SLC8A1: variants seen among roughly 807,000 people sequenced by gnomAD.
SLC8A1 encodes the protein sodium/calcium exchanger 1.
SLC8A1 carries 18 observed loss-of-function variants against 68.3 expected under a neutral mutation model. The observed-to-expected ratio is 0.26, with a 90% CI of 0.18 to 0.39. The LOEUF (loss-of-function observed/expected upper bound fraction) is 0.39, where lower values mean the gene tolerates loss of function less well. Among genes scored for constraint, SLC8A1 ranks in the 10% least tolerant of loss-of-function variants. SLC8A1 has a pLI of 1.00. For synonymous variants in SLC8A1, 475 were observed against 415.5 expected (o/e 1.14, Z -1.74); for missense variants, 985 against 1,156.7 (o/e 0.85, Z 2.15).
At chr2:40,499,172 C>T (rs903279496) in intron 1 of SLC8A1, among the ~76,000 whole-genome samples, 2 of 150,836 alleles carry the variant, frequency 1.3e-5, no homozygotes, top group African/African-American at 2.4e-5. Context: ...CTAGTGGTAT[C>T]GGACAAAAAG....
chr2:40,227,623 G>GA (rs2059149239), intron 2 of SLC8A1, among the ~76,000 whole-genome samples: 1 of 152,022 alleles, frequency 6.6e-6, no homozygotes, highest in African/African-American at 2.4e-5. Flanking sequence ...ATACCTAGGT[G>GA]ATGAAATAAT....
chr2:40,104,571 T>C (rs2034083119), exon 8 of SLC8A1: 1 of 152,166 alleles, frequency 6.6e-6, no homozygotes, highest in African/African-American at 2.4e-5. Flanking sequence ...ATTGATAAAA[T>C]GTAGACCAAA....
At chr2:40,308,050 A>G (rs1392069304) in intron 2 of SLC8A1, among the ~76,000 whole-genome samples, 2 of 152,186 alleles carry the variant, frequency 1.3e-5, no homozygotes, top group Admixed American at 6.5e-5. Flanking sequence ...ATAAAAGTAA[A>G]CAAACACTTT....
At chr2:40,164,113 C>A (rs144875717) in intron 5 of SLC8A1, among the ~76,000 whole-genome samples, 2 of 152,148 alleles carry the variant, frequency 1.3e-5, no homozygotes, top group Admixed American at 6.5e-5. Flanking sequence ...GTTTCTTCCC[C>A]TGTGGTCTTC....
intron 1 of SLC8A1, among the ~76,000 whole-genome samples, chr2:40,490,355 T>C (rs182161709): frequency 1.1e-3 from 169 of 152,264 alleles, no homozygotes; most frequent in African/African-American, 4.0e-3. Context: ...CAGAATAATT[T>C]TGTCATATAG....
At chr2:40,280,251 T>TAAAAAAA (rs67427562) in intron 2 of SLC8A1, among the ~76,000 whole-genome samples, 2 of 94,472 alleles carry the variant, frequency 2.1e-5, no homozygotes, top group Non-Finnish European at 4.1e-5. Flanking sequence ...AAATAAACAC[T>TAAAAAAA]AAAAAAAAAA....
At chr2:40,182,263 G>A (rs1048643867) in intron 2 of SLC8A1, among the ~76,000 whole-genome samples, 2 of 152,074 alleles carry the variant, frequency 1.3e-5, no homozygotes, top group African/African-American at 4.8e-5. Flanking sequence ...CACTGATAAA[G>A]AACAAATAGA....
intron 2 of SLC8A1, among the ~76,000 whole-genome samples, chr2:40,421,994 G>A (rs547566654): frequency 6.6e-6 from 1 of 152,108 alleles, no homozygotes; most frequent in Non-Finnish European, 1.5e-5. Context: ...CTTCCCACCA[G>A]AAATCCAGGG....
At chr2:40,288,862 T>C (rs1408174536) in intron 2 of SLC8A1, among the ~76,000 whole-genome samples, 2 of 125,846 alleles carry the variant, frequency 1.6e-5, no homozygotes, top group Non-Finnish European at 3.1e-5. Context: ...TGTATATATA[T>C]GATTTTTTTT....
chr2:40,335,870 G>C (rs1361455743), intron 2 of SLC8A1, among the ~76,000 whole-genome samples: 6 of 152,326 alleles, frequency 3.9e-5, no homozygotes, highest in Middle Eastern at 6.8e-3. Context: ...GAGCCTATCA[G>C]AGAAATTCAA....
intron 2 of SLC8A1, among the ~76,000 whole-genome samples, chr2:40,392,057 A>G (rs1314628360): frequency 4.2e-5 from 3 of 72,218 alleles, no homozygotes; most frequent in African/African-American, 3.6e-4. Context: ...AAACAAAATA[A>G]GAAGGAAGGA....
intron 2 of SLC8A1, among the ~76,000 whole-genome samples, chr2:40,392,164 GA>G (rs751944073): frequency 7.0e-6 from 1 of 143,378 alleles, no homozygotes; most frequent in Non-Finnish European, 1.5e-5. Flanking sequence ...AAAGAAAAAA[GA>G]AAGGAAGAGA....
At chr2:40,108,034 G>C (rs912531743) in exon 8 of SLC8A1, 1 of 152,092 alleles carries the variant, frequency 6.6e-6, no homozygotes, top group Non-Finnish European at 1.5e-5. Context: ...GTTCATTTGG[G>C]CCAGACTCAA....
intron 2 of SLC8A1, among the ~76,000 whole-genome samples, chr2:40,182,835 G>A (rs567284732): frequency 1.6e-4 from 24 of 152,250 alleles, no homozygotes; most frequent in Non-Finnish European, 2.5e-4. Context: ...TTCAACTTAA[G>A]CCTCAATTTG....
chr2:40,507,978 A>C (rs1402156391), intron 1 of SLC8A1, among the ~76,000 whole-genome samples: 1 of 152,116 alleles, frequency 6.6e-6, no homozygotes, highest in East Asian at 1.9e-4. Flanking sequence ...TAAGTGAAGC[A>C]ATAAAAGTAG....
intron 2 of SLC8A1, among the ~76,000 whole-genome samples, chr2:40,389,266 T>C (rs1177658915): frequency 6.6e-6 from 1 of 152,080 alleles, no homozygotes; most frequent in African/African-American, 2.4e-5. Flanking sequence ...TTACCCTTTA[T>C]AATGTTGTGA....
intron 1 of SLC8A1, among the ~76,000 whole-genome samples, chr2:40,492,266 C>T (rs921601591): frequency 2.0e-5 from 3 of 151,942 alleles, no homozygotes; most frequent in Admixed American, 6.6e-5. Context: ...TTTTATAAAT[C>T]GTGCTGGGAA....
chr2:40,153,751 C>T (rs1040101128), intron 6 of SLC8A1, among the ~76,000 whole-genome samples: 11 of 152,174 alleles, frequency 7.2e-5, no homozygotes, highest in African/African-American at 2.7e-4. Flanking sequence ...GATATAAATA[C>T]AATTCCTACA....
intron 2 of SLC8A1, among the ~76,000 whole-genome samples, chr2:40,392,190 A>C (rs1316053496): frequency 2.6e-5 from 4 of 151,944 alleles, no homozygotes; most frequent in Admixed American, 2.0e-4. Context: ...GAAAGAAAAG[A>C]AAAAAGAAAG....
Sources: gnomAD v4.1 joint callset for allele counts (sites outside exome capture counted in the v4.1 genomes callset) on GRCh38, gnomAD v4.1.1 for gene constraint, MANE v1.5 for transcripts, NCBI Gene and HGNC (gene_info 2026-07-23, HGNC 2026-07-21) for gene names.